VSTM4: variants seen among roughly 807,000 people sequenced by gnomAD.
VSTM4 encodes V-set and transmembrane domain-containing protein 4.
In VSTM4, 20 loss-of-function variants were observed where a neutral mutation model predicts 36.4. The ratio of observed to expected loss-of-function variants is 0.55; its 90% confidence interval spans 0.39 to 0.80. The LOEUF is 0.80. Among genes scored for constraint, VSTM4 ranks in the 30% least tolerant of loss-of-function variants. The pLI, the probability that VSTM4 is intolerant of heterozygous loss-of-function variation, is 0.00. For synonymous variants in VSTM4, 182 were observed against 173.9 expected (o/e 1.05, Z -0.37); for missense variants, 392 against 404.5 (o/e 0.97, Z 0.26).
chr10:49,088,901 CAT>C (rs1407360134), intron 2 of VSTM4, among the ~76,000 whole-genome samples: 1 of 152,216 alleles, frequency 6.6e-6, no homozygotes, highest in African/African-American at 2.4e-5. Flanking sequence ...TACCACCCCA[CAT>C]GTGGTCCACG....
chr10:49,017,415 C>G lies in VSTM4; in HGVS notation c.*2235G>C, dbSNP rs1843118960. ...AATCTGCAGGTTCCCATTCACACAC[C>G]TTAGTGTGGATTCATGCAGTGATGA... On this transcript the variant is annotated 3_prime_UTR_variant, in exon 8 of 8. Coordinates refer to ENST00000332853, the MANE Select transcript of VSTM4 (RefSeq NM_001031746.5). 3 of 152,214 alleles carry G rather than the reference C, an allele frequency of 2.0e-5. No homozygotes were observed. In the South Asian group the frequency reaches 6.2e-4, roughly 32 times the overall value. The allele number at this position is 152,214 out of a possible 1,614,324, so 9.4% of individuals were successfully genotyped here.
intron 2 of VSTM4, chr10:49,103,359 A>G (rs997901005): frequency 3.9e-6 from 1 of 258,378 alleles, no homozygotes; most frequent in Admixed American, 6.2e-5. Flanking sequence ...AGTAAGATTG[A>G]AATTAGGTTT....
intron 2 of VSTM4, among the ~76,000 whole-genome samples, chr10:49,088,736 A>G (rs984161133): frequency 1.3e-5 from 2 of 152,270 alleles, no homozygotes; most frequent in African/African-American, 4.8e-5. Context: ...TCTCTCCTGA[A>G]AAAGCTTGGC....
At chr10:49,102,978 T>C (rs1304279731) in intron 2 of VSTM4, 2 of 155,728 alleles carry the variant, frequency 1.3e-5, no homozygotes, top group African/African-American at 4.8e-5. Flanking sequence ...TAACCAACAC[T>C]CTTATGTAGA....
At chr10:49,093,212 C>T (rs1844509931) in intron 2 of VSTM4, among the ~76,000 whole-genome samples, 1 of 152,116 alleles carries the variant, frequency 6.6e-6, no homozygotes, top group Non-Finnish European at 1.5e-5. Flanking sequence ...ATAACACATG[C>T]CCACTGGGGC....
chr10:49,096,737 T>A (rs961523492), intron 2 of VSTM4, among the ~76,000 whole-genome samples: 14 of 150,864 alleles, frequency 9.3e-5, no homozygotes, highest in African/African-American at 3.4e-4. Context: ...TCACTGCAAC[T>A]TCTGCCTCCC....
chr10:49,019,659 G>A lies in VSTM4; in HGVS notation c.954C>T (p.Asn318=). 1 of 1,611,666 alleles carries A rather than the reference G, an allele frequency of 6.2e-7. No individual in the cohort carries two copies. The part of the protein sequence containing the change: ...TVYAQILFEE[N]KL ...GGAGGTGGACGCTGTACTACAGCTT[G>A]TTCTCCTCGAAGAGGATCTGGGCGT... Residue 318 remains asparagine (N), a synonymous_variant, in exon 8 of 8, where the codon AAC becomes AAT. Transcript: ENST00000332853.
In VSTM4 at chr10:49,048,460, T is replaced by C; in HGVS notation, c.775+18A>G. On this transcript the variant is annotated intron_variant, in intron 6 of 7. Transcript: ENST00000332853. ...TAATGATAGTTTCCAGGTAAGAAACTGCAGGCCAGCTCCTTACCTTTGGCA... is the reference window on the plus strand; with the variant it reads ...TAATGATAGTTTCCAGGTAAGAAACCGCAGGCCAGCTCCTTACCTTTGGCA... The C allele has an allele frequency of 6.4e-7, 1 of 1,562,864 alleles. No individual in the cohort carries two copies. Among genetic ancestry groups the C allele is most frequent in the South Asian group, 1.2e-5 (1 of 82,792 alleles).
intron 3 of VSTM4, among the ~76,000 whole-genome samples, chr10:49,084,491 A>G (rs1844336233): frequency 6.6e-6 from 1 of 152,236 alleles, no homozygotes; most frequent in Non-Finnish European, 1.5e-5. Context: ...GTTTCAGTCT[A>G]CTGCTTTATA....
intron 5 of VSTM4, among the ~76,000 whole-genome samples, chr10:49,053,693 T>C (rs1157243982): frequency 6.6e-6 from 1 of 152,220 alleles, no homozygotes; most frequent in Non-Finnish European, 1.5e-5. Flanking sequence ...GGGTATTTCA[T>C]GGTGCCCTTG....
At chr10:49,097,978 C>T (rs1844602967) in intron 2 of VSTM4, among the ~76,000 whole-genome samples, 2 of 152,164 alleles carry the variant, frequency 1.3e-5, no homozygotes, top group African/African-American at 4.8e-5. Context: ...TTGGGAATCC[C>T]AACACTAGGC....
At chr10:49,105,941 G>T (rs1417059549) in intron 2 of VSTM4, among the ~76,000 whole-genome samples, 1 of 151,908 alleles carries the variant, frequency 6.6e-6, no homozygotes, top group Non-Finnish European at 1.5e-5. Context: ...ATTTGCAGTG[G>T]GTTCTTGGCC....
chr10:49,045,938 G>A (rs1482028387), intron 7 of VSTM4, among the ~76,000 whole-genome samples: 1 of 152,116 alleles, frequency 6.6e-6, no homozygotes, highest in Non-Finnish European at 1.5e-5. Flanking sequence ...GGAAGTGATT[G>A]GGTTAGGGGG....
At chr10:49,105,950 C>A (rs997281826) in intron 2 of VSTM4, among the ~76,000 whole-genome samples, 2 of 152,034 alleles carry the variant, frequency 1.3e-5, no homozygotes, top group African/African-American at 4.8e-5. Flanking sequence ...GGGTTCTTGG[C>A]CCAGCCCTTG....
intron 5 of VSTM4, among the ~76,000 whole-genome samples, chr10:49,059,011 G>T (rs1042805470): frequency 6.6e-6 from 1 of 152,194 alleles, no homozygotes; most frequent in African/African-American, 2.4e-5. Context: ...CAACAGGGAC[G>T]GGAGGAACTG....
Position 49,063,947 on chromosome 10 carries a change from G to A in VSTM4, c.668+756C>T, listed in dbSNP as rs75232491. ...TGCTGGGCTCACTTGAGGTTTTCAG[G>A]GGAACTCCCCTTTGATCCAGGGGAG... is the stretch of plus-strand genomic sequence containing the variant. On this transcript the variant is annotated intron_variant, in intron 5 of 7. Transcript: ENST00000332853. 6.5e-4 allele frequency among the ~76,000 whole-genome samples: 99 copies of A among 152,316 alleles called. 1 individual carries two copies. In the East Asian group the frequency reaches 0.017, roughly 27 times the overall value.
Position 49,073,394 on chromosome 10 carries a change from C to A in VSTM4, c.634+3825G>T, listed in dbSNP as rs191431844. On this transcript the variant is annotated intron_variant, in intron 4 of 7. Coordinates refer to ENST00000332853, the MANE Select transcript of VSTM4 (RefSeq NM_001031746.5). Reference sequence around the variant, plus strand: ...GTATGGGTCCTGAGCAATATCTGGGCAATTTGCCACTGCTCTGCATATCCC... The same window carrying A: ...GTATGGGTCCTGAGCAATATCTGGGAAATTTGCCACTGCTCTGCATATCCC... Among the ~76,000 whole-genome samples the A allele has an allele frequency of 1.6e-3, 245 of 152,320 alleles. 2 individuals carry two copies. The highest frequency in any genetic ancestry group is 5.4e-3 in the African/African-American group (225 of 41,566).
chr10:49,088,806 A>G (rs1221477708), intron 2 of VSTM4, among the ~76,000 whole-genome samples: 1 of 152,276 alleles, frequency 6.6e-6, no homozygotes, highest in Admixed American at 6.5e-5. Context: ...CCTGATGAAG[A>G]CAACACGGAG....
chr10:49,075,960 G>A (rs1034916101), intron 4 of VSTM4, among the ~76,000 whole-genome samples: 15 of 152,180 alleles, frequency 9.9e-5, no homozygotes, highest in African/African-American at 3.6e-4. Context: ...GTCCCTCTCT[G>A]CAGACCCCTG....
Sources: gnomAD v4.1 joint callset for allele counts (sites outside exome capture counted in the v4.1 genomes callset) on GRCh38, gnomAD v4.1.1 for gene constraint, MANE v1.5 for transcripts, NCBI Gene and HGNC (gene_info 2026-07-23, HGNC 2026-07-21) for gene names.